Variants in TRHDE observed in about 807,000 individuals in gnomAD.
TRHDE encodes thyrotropin releasing hormone degrading enzyme.
TRHDE carries 72 observed loss-of-function variants against 125.7 expected under a neutral mutation model. That is an observed-to-expected ratio of 0.57 (90% CI 0.47 to 0.70). The LOEUF (loss-of-function observed/expected upper bound fraction) is 0.70, where lower values mean the gene tolerates loss of function less well. Among genes scored for constraint, TRHDE ranks in the 30% least tolerant of loss-of-function variants. The probability of loss-of-function intolerance (pLI) is 0.00; values close to 1 mark genes in which losing one functional copy is unlikely to be tolerated. For missense variants in TRHDE, 1,110 were observed against 1,327.1 expected (o/e 0.84, Z 2.54); for synonymous variants, 509 against 509.1 (o/e 1.00, Z 0.00).
At chr12:72,226,578 T>C (rs1247648635) in intron 2 of TRHDE, among the ~76,000 whole-genome samples, 1 of 152,206 alleles carries the variant, frequency 6.6e-6, no homozygotes, top group Non-Finnish European at 1.5e-5. Context: ...CTTTAGCTTA[T>C]ATAAAATAAG....
chr12:72,647,840 CAAACATTT>C (rs1874344516), intron 15 of TRHDE, among the ~76,000 whole-genome samples: 1 of 151,924 alleles, frequency 6.6e-6, no homozygotes, highest in African/African-American at 2.4e-5. Context: ...TGAATTCTAC[CAAACATTT>C]AAAGAATCCT....
chr12:72,378,740 A>G (rs190352322), intron 3 of TRHDE, among the ~76,000 whole-genome samples: 35 of 152,344 alleles, frequency 2.3e-4, no homozygotes, highest in African/African-American at 7.9e-4. Context: ...AAACTTGGTA[A>G]TAATGGAGAT....
intron 2 of TRHDE, among the ~76,000 whole-genome samples, chr12:72,374,287 G>T (rs1273006770): frequency 7.4e-6 from 1 of 135,076 alleles, no homozygotes; most frequent in Non-Finnish European, 1.5e-5. Flanking sequence ...GATTTTAGAA[G>T]GAGAAGTGTG....
intron 15 of TRHDE, among the ~76,000 whole-genome samples, chr12:72,631,418 T>C (rs1873489969): frequency 6.6e-6 from 1 of 151,978 alleles, no homozygotes; most frequent in African/African-American, 2.4e-5. Context: ...CTTCATAAAA[T>C]AGGACTAGAT....
intron 3 of TRHDE, among the ~76,000 whole-genome samples, chr12:72,402,969 T>G (rs979994356): frequency 6.6e-6 from 1 of 152,186 alleles, no homozygotes; most frequent in Non-Finnish European, 1.5e-5. Flanking sequence ...ATCTCATTAT[T>G]TAGCCAGTTG....
intron 15 of TRHDE, among the ~76,000 whole-genome samples, chr12:72,636,918 G>T (rs938775013): frequency 2.6e-5 from 4 of 152,004 alleles, no homozygotes; most frequent in Non-Finnish European, 5.9e-5. Flanking sequence ...GTATTTTATT[G>T]AGGATTTTTG....
chr12:72,377,304 C>CTTTT (rs200021223), intron 2 of TRHDE, among the ~76,000 whole-genome samples: 11 of 130,412 alleles, frequency 8.4e-5, no homozygotes, highest in African/African-American at 3.1e-4. Context: ...TTGCTTTAGG[C>CTTTT]TTTTTTTTTT....
At chr12:72,622,366 A>T (rs376827827) in intron 15 of TRHDE, among the ~76,000 whole-genome samples, 1 of 152,106 alleles carries the variant, frequency 6.6e-6, no homozygotes, top group African/African-American at 2.4e-5. Context: ...AATACTAAAC[A>T]TAAAAATAAT....
At chr12:72,186,371 A>G (rs887980156) in intron 2 of TRHDE, 1 of 151,074 alleles carries the variant, frequency 6.6e-6, no homozygotes, top group Non-Finnish European at 1.4e-5. Context: ...GGAACGAACA[A>G]CTCCAGACGC....
chr12:72,297,681 C>G (rs1389431472), intron 2 of TRHDE, among the ~76,000 whole-genome samples: 2 of 152,136 alleles, frequency 1.3e-5, no homozygotes, highest in Non-Finnish European at 2.9e-5. Flanking sequence ...AGTGGAGGAA[C>G]AGTGGTGTAA....
intron 15 of TRHDE, among the ~76,000 whole-genome samples, chr12:72,647,906 A>G (rs1422619877): frequency 6.6e-6 from 1 of 152,066 alleles, no homozygotes; most frequent in Non-Finnish European, 1.5e-5. Flanking sequence ...ACACTTCCAA[A>G]CTTATGTTAC....
At chr12:72,644,379 A>T (rs1270871556) in intron 15 of TRHDE, among the ~76,000 whole-genome samples, 2 of 152,126 alleles carry the variant, frequency 1.3e-5, no homozygotes, top group East Asian at 1.9e-4. Context: ...TGGAACTCTA[A>T]AAAGTCTAGC....
At chr12:72,591,561 T>C (rs1182896307) in intron 12 of TRHDE, among the ~76,000 whole-genome samples, 1 of 150,834 alleles carries the variant, frequency 6.6e-6, no homozygotes, top group Non-Finnish European at 1.5e-5. Context: ...GAAAAAAAGA[T>C]GAAAAATAAT....
At chr12:72,592,396 A>AC (rs2136048819) in intron 12 of TRHDE, among the ~76,000 whole-genome samples, 1 of 134,550 alleles carries the variant, frequency 7.4e-6, no homozygotes, top group South Asian at 2.1e-4. Context: ...GAGGACAGTT[A>AC]TAAAGCCATT....
At position 72,393,583 on chromosome 12, in the gene TRHDE, G is replaced by A. The variant is rs188583695; in HGVS notation, c.1315+15462G>A. 3.1e-3 allele frequency among the ~76,000 whole-genome samples: 474 copies of A among 152,306 alleles called. 1 individual carries two copies. Among genetic ancestry groups the A allele is most frequent in the African/African-American group, 0.011 (439 of 41,590 alleles). On this transcript the variant is annotated intron_variant, in intron 3 of 18. Transcript: ENST00000261180. ...GTAAAATTGAAGATCTGTTCCCACA[G>A]TGTCAGATTTTGTATATCTGTTGTC...
chr12:72,449,179 G>C (rs774252967), intron 3 of TRHDE, among the ~76,000 whole-genome samples: 30 of 151,958 alleles, frequency 2.0e-4, no homozygotes, highest in Non-Finnish European at 3.1e-4. Flanking sequence ...ACTAAAGAAT[G>C]CAGGCTTTCA....
chr12:72,468,815 A>G (rs1322585577), intron 3 of TRHDE, among the ~76,000 whole-genome samples: 1 of 152,222 alleles, frequency 6.6e-6, no homozygotes, highest in African/African-American at 2.4e-5. Context: ...TTCACATGCA[A>G]TCACCACTTT....
At chr12:72,519,959 C>T (rs1879097466) in intron 6 of TRHDE, among the ~76,000 whole-genome samples, 1 of 152,144 alleles carries the variant, frequency 6.6e-6, no homozygotes, top group Non-Finnish European at 1.5e-5. Context: ...GTTTGGGGGT[C>T]AGGGGTCAGG....
intron 2 of TRHDE, among the ~76,000 whole-genome samples, chr12:72,152,714 G>A (rs1281225073): frequency 1.3e-5 from 2 of 152,168 alleles, no homozygotes; most frequent in African/African-American, 2.4e-5. Context: ...ATTTGCATAT[G>A]TTGAACCAGC....
Sources: allele counts gnomAD v4.1 joint callset (sites outside exome capture counted in the v4.1 genomes callset), GRCh38; gene constraint gnomAD v4.1.1; transcripts MANE v1.5; gene names NCBI Gene and HGNC (gene_info 2026-07-23, HGNC 2026-07-21).